The following CTNNA3 variants were observed in gnomAD, a reference collection of about 807,000 sequenced individuals.
The protein encoded by CTNNA3 is catenin alpha-3.
CTNNA3 carries 76 observed loss-of-function variants against 95.7 expected under a neutral mutation model. That is an observed-to-expected ratio of 0.79 (90% CI 0.66 to 0.96). CTNNA3 has a LOEUF of 0.96. CTNNA3 is among the 40% of genes least tolerant of loss of function. CTNNA3 has a pLI of 0.00. For missense variants in CTNNA3, 1,191 were observed against 1,089.8 expected, an observed-to-expected ratio of 1.09 and a Z score of -1.31; for synonymous variants, 431 against 374.4, an observed-to-expected ratio of 1.15 and a Z score of -1.74.
chr10:67,592,837 G>A (rs1311200741), intron 3 of CTNNA3, among the ~76,000 whole-genome samples: 2 of 152,020 alleles, frequency 1.3e-5, no homozygotes, highest in Non-Finnish European at 2.9e-5. Flanking sequence ...TTTATTTTAG[G>A]TTCGGGGGTA....
chr10:66,184,521 T>A (rs1202828675), intron 13 of CTNNA3, among the ~76,000 whole-genome samples: 1 of 152,182 alleles, frequency 6.6e-6, no homozygotes, highest in South Asian at 2.1e-4. Flanking sequence ...AAATAACCAA[T>A]TTTTTTCAGC....
chr10:65,961,173 G>T (rs1226480962), intron 17 of CTNNA3, among the ~76,000 whole-genome samples: 2 of 150,108 alleles, frequency 1.3e-5, no homozygotes, highest in African/African-American at 2.4e-5. Context: ...AAATGCTTTT[G>T]GTGACTCTGT....
intron 11 of CTNNA3, among the ~76,000 whole-genome samples, chr10:66,499,012 T>C (rs1840190270): frequency 6.6e-6 from 1 of 152,180 alleles, no homozygotes; most frequent in Non-Finnish European, 1.5e-5. Flanking sequence ...GTATACCATA[T>C]ATTGTGTAAA....
At chr10:67,260,328 G>A (rs1297214860) in intron 5 of CTNNA3, among the ~76,000 whole-genome samples, 1 of 152,196 alleles carries the variant, frequency 6.6e-6, no homozygotes, top group Non-Finnish European at 1.5e-5. Context: ...GTATGAAAAG[G>A]ATTCAAAACA....
At chr10:67,705,095 T>A (rs1270029951) in intron 1 of CTNNA3, among the ~76,000 whole-genome samples, 1 of 152,098 alleles carries the variant, frequency 6.6e-6, no homozygotes, top group Non-Finnish European at 1.5e-5. Context: ...CTCACACCAG[T>A]TAGAATGGTG....
chr10:66,749,272 A>G (rs553373467), intron 9 of CTNNA3, among the ~76,000 whole-genome samples: 1 of 151,422 alleles, frequency 6.6e-6, no homozygotes, highest in Admixed American at 6.6e-5. Context: ...GGTGTTGTAC[A>G]TTGCATGCGG....
At chr10:67,678,265 T>G (rs1241442154) in intron 1 of CTNNA3, among the ~76,000 whole-genome samples, 1 of 151,956 alleles carries the variant, frequency 6.6e-6, no homozygotes, top group African/African-American at 2.4e-5. Flanking sequence ...AAATGTAAAT[T>G]CTAGGAAAGA....
intron 7 of CTNNA3, among the ~76,000 whole-genome samples, chr10:67,083,080 G>A (rs913481822): frequency 1.3e-5 from 2 of 152,012 alleles, no homozygotes; most frequent in Admixed American, 6.5e-5. Flanking sequence ...GTGATCAGGG[G>A]ACCAGTGAGC....
chr10:67,688,171 G>C (rs1249300956), intron 1 of CTNNA3, among the ~76,000 whole-genome samples: 1 of 152,160 alleles, frequency 6.6e-6, no homozygotes, highest in Non-Finnish European at 1.5e-5. Flanking sequence ...AACTTCCCCA[G>C]ATCTGCCTTG....
chr10:66,278,489 T>C (rs1564835162), intron 13 of CTNNA3, among the ~76,000 whole-genome samples: 1 of 151,994 alleles, frequency 6.6e-6, no homozygotes, highest in South Asian at 2.1e-4. Flanking sequence ...GGGAGAAAAT[T>C]ACTGCTCTCA....
chr10:66,738,953 T>G (rs1589194261), intron 9 of CTNNA3, among the ~76,000 whole-genome samples: 1 of 152,212 alleles, frequency 6.6e-6, no homozygotes, highest in African/African-American at 2.4e-5. Context: ...ACATGCTGTA[T>G]GGAAGTTGCA....
At chr10:67,719,758 G>C (rs1382348775) in intron 1 of CTNNA3, among the ~76,000 whole-genome samples, 1 of 152,140 alleles carries the variant, frequency 6.6e-6, no homozygotes, top group Non-Finnish European at 1.5e-5. Flanking sequence ...ATGTGGTGCT[G>C]AGAAGAATGT....
chr10:66,802,247 T>C (rs1373120936), intron 7 of CTNNA3, among the ~76,000 whole-genome samples: 1 of 151,840 alleles, frequency 6.6e-6, no homozygotes, highest in Non-Finnish European at 1.5e-5. Flanking sequence ...GATAAGAATA[T>C]GAATAAGCAT....
chr10:66,100,608 G>C (rs1257244233), intron 14 of CTNNA3, among the ~76,000 whole-genome samples: 1 of 152,148 alleles, frequency 6.6e-6, no homozygotes, highest in East Asian at 1.9e-4. Context: ...ATGCAGAGCA[G>C]TTTCAGGGTA....
chr10:66,706,387 C>T (rs1270550306), intron 9 of CTNNA3, among the ~76,000 whole-genome samples: 2 of 150,924 alleles, frequency 1.3e-5, no homozygotes, highest in Admixed American at 6.6e-5. Context: ...ACCATATGGC[C>T]CCACTACTCT....
intron 9 of CTNNA3, among the ~76,000 whole-genome samples, chr10:66,646,640 G>A (rs986785232): frequency 6.6e-6 from 1 of 152,110 alleles, no homozygotes; most frequent in Non-Finnish European, 1.5e-5. Flanking sequence ...GAAAAGTGAT[G>A]AGGCTTCCCT....
chr10:66,159,691 A>G (rs757358050), intron 13 of CTNNA3, among the ~76,000 whole-genome samples: 10 of 141,274 alleles, frequency 7.1e-5, no homozygotes, highest in Non-Finnish European at 1.4e-4. Context: ...CTGGCTTCAT[A>G]GAATGAATTA....
intron 1 of CTNNA3, among the ~76,000 whole-genome samples, chr10:67,726,529 T>TA (rs1178047356): frequency 9.0e-5 from 6 of 66,716 alleles, no homozygotes; most frequent in Admixed American, 5.7e-4. Context: ...TTATATTATA[T>TA]ATATTATTAT....
intron 5 of CTNNA3, among the ~76,000 whole-genome samples, chr10:67,425,182 G>A (rs1845876499): frequency 6.6e-6 from 1 of 152,004 alleles, no homozygotes; most frequent in African/African-American, 2.4e-5. Context: ...ACTTATTTTT[G>A]CTCATTTTGT....
Sources: gnomAD v4.1 joint callset for allele counts (sites outside exome capture counted in the v4.1 genomes callset) on GRCh38, gnomAD v4.1.1 for gene constraint, MANE v1.5 for transcripts, NCBI Gene and HGNC (gene_info 2026-07-23, HGNC 2026-07-21) for gene names.